CALN1: variants seen among roughly 807,000 people sequenced by gnomAD.
CALN1 encodes the protein calneuron 1.
CALN1 carries 17 observed loss-of-function variants against 30.6 expected under a neutral mutation model. That is an observed-to-expected ratio of 0.56 (90% confidence interval 0.38 to 0.83). The LOEUF is 0.83. Among genes scored for constraint, CALN1 ranks in the 40% least tolerant of loss-of-function variants. The pLI, the probability that CALN1 is intolerant of heterozygous loss-of-function variation, is 0.00. For synonymous variants in CALN1, 156 were observed against 131.4 expected (o/e 1.19, Z -1.28); for missense variants, 291 against 354.9 (o/e 0.82, Z 1.45).
intron 5 of CALN1, among the ~76,000 whole-genome samples, chr7:72,015,740 G>T (rs1446619341): frequency 6.6e-6 from 1 of 152,094 alleles, no homozygotes; most frequent in African/African-American, 2.4e-5. Context: ...CACTTGCTGG[G>T]CCAGAATTCC....
At chr7:72,209,177 C>A (rs1585169926) in intron 3 of CALN1, among the ~76,000 whole-genome samples, 1 of 144,808 alleles carries the variant, frequency 6.9e-6, no homozygotes, top group South Asian at 2.3e-4. Flanking sequence ...TTCTTCCTTC[C>A]CTCCTTCCCT....
intron 5 of CALN1, among the ~76,000 whole-genome samples, chr7:71,846,204 G>T (rs1056611702): frequency 6.6e-5 from 10 of 152,120 alleles, no homozygotes; most frequent in African/African-American, 2.4e-4. Context: ...CCTATGAAGC[G>T]AAACACACTT....
At chr7:72,222,435 A>G (rs1477830194) in intron 3 of CALN1, among the ~76,000 whole-genome samples, 5 of 152,100 alleles carry the variant, frequency 3.3e-5, no homozygotes, top group Non-Finnish European at 4.4e-5. Flanking sequence ...GATACCACAC[A>G]CTTTTAAACT....
intron 5 of CALN1, among the ~76,000 whole-genome samples, chr7:71,999,717 C>T (rs529044300): frequency 7.9e-5 from 12 of 151,992 alleles, no homozygotes; most frequent in South Asian, 2.1e-4. Context: ...GTTTTGCCGT[C>T]GGCCAGGCTG....
At chr7:72,235,240 C>T (rs1260487159) in intron 3 of CALN1, among the ~76,000 whole-genome samples, 19 of 151,840 alleles carry the variant, frequency 1.3e-4, no homozygotes, top group Admixed American at 1.2e-3. Flanking sequence ...CACCACCGCA[C>T]TCCAGCCTGG....
intron 3 of CALN1, among the ~76,000 whole-genome samples, chr7:72,113,213 G>GGGA (rs751288384): frequency 3.9e-5 from 6 of 152,244 alleles, no homozygotes; most frequent in South Asian, 2.1e-4. Context: ...TACTCTCTCT[G>GGGA]GGAGGAGGAG....
chr7:72,500,618 T>C, the CALN1 span, among the ~76,000 whole-genome samples: 2 of 152,042 alleles, frequency 1.3e-5, no homozygotes, highest in Non-Finnish European at 2.9e-5. Flanking sequence ...CCGCTGTTTA[T>C]ATAACCTGTC....
At chr7:72,123,242 G>C (rs1353315031) in intron 3 of CALN1, among the ~76,000 whole-genome samples, 1 of 152,162 alleles carries the variant, frequency 6.6e-6, no homozygotes, top group Non-Finnish European at 1.5e-5. Context: ...CTGCCTGCTA[G>C]AAGTGAGCAG....
At chr7:71,860,429 G>C (rs1791206660) in intron 5 of CALN1, among the ~76,000 whole-genome samples, 1 of 152,130 alleles carries the variant, frequency 6.6e-6, no homozygotes, top group African/African-American at 2.4e-5. Flanking sequence ...CTGACCTCGT[G>C]ATCCTCCCGC....
At chr7:72,169,068 A>T (rs1043150146) in intron 3 of CALN1, among the ~76,000 whole-genome samples, 3 of 151,888 alleles carry the variant, frequency 2.0e-5, no homozygotes, top group African/African-American at 7.3e-5. Flanking sequence ...GGCCTCCCAA[A>T]GTGCTGGGAC....
At chr7:71,808,419 CATA>C (rs909662148) in intron 6 of CALN1, among the ~76,000 whole-genome samples, 2 of 151,180 alleles carry the variant, frequency 1.3e-5, no homozygotes, top group Non-Finnish European at 2.9e-5. Flanking sequence ...TTTTAATAAA[CATA>C]ATACTTGCAG....
At chr7:72,033,470 G>A (rs1489831173) in intron 4 of CALN1, among the ~76,000 whole-genome samples, 1 of 151,684 alleles carries the variant, frequency 6.6e-6, no homozygotes, top group Non-Finnish European at 1.5e-5. Flanking sequence ...GCAGAATGAA[G>A]GGAGTGCTAT....
chr7:71,901,420 T>C (rs1793840803), intron 5 of CALN1, among the ~76,000 whole-genome samples: 1 of 97,598 alleles, frequency 1.0e-5, no homozygotes, highest in Non-Finnish European at 2.1e-5. Flanking sequence ...ATAATTCATA[T>C]GGAACCAAAA....
the CALN1 span, among the ~76,000 whole-genome samples, chr7:72,489,446 A>G: frequency 1.3e-5 from 2 of 152,130 alleles, no homozygotes; most frequent in Admixed American, 6.5e-5. Flanking sequence ...CTGATGTCCT[A>G]TGAAGTGTGA....
intron 2 of CALN1, among the ~76,000 whole-genome samples, chr7:72,287,257 G>C (rs529855870): frequency 6.6e-6 from 1 of 151,908 alleles, no homozygotes; most frequent in African/African-American, 2.4e-5. Flanking sequence ...TCCTGTCCAT[G>C]CTTTTAAATT....
At chr7:72,363,231 A>C (rs1803669925) in intron 2 of CALN1, among the ~76,000 whole-genome samples, 1 of 145,210 alleles carries the variant, frequency 6.9e-6, no homozygotes, top group African/African-American at 2.4e-5. Context: ...TGAGATTATG[A>C]CACATTATTT....
chr7:72,008,840 G>C (rs1799920812), intron 5 of CALN1, among the ~76,000 whole-genome samples: 1 of 151,892 alleles, frequency 6.6e-6, no homozygotes, highest in Non-Finnish European at 1.5e-5. Flanking sequence ...ATTTTTAGTG[G>C]AGACGGGGTT....
chr7:72,104,816 T>C (rs1409887835), intron 4 of CALN1, among the ~76,000 whole-genome samples: 2 of 151,924 alleles, frequency 1.3e-5, no homozygotes, highest in African/African-American at 4.8e-5. Flanking sequence ...AATTAGTCAG[T>C]TGTGGTGGTG....
chr7:72,378,332 T>C (rs1408671099), intron 2 of CALN1, among the ~76,000 whole-genome samples: 1 of 152,218 alleles, frequency 6.6e-6, no homozygotes, highest in Non-Finnish European at 1.5e-5. Flanking sequence ...AAAATTAACA[T>C]TCCACAAAGC....
Sources: gnomAD v4.1 joint callset for allele counts (sites outside exome capture counted in the v4.1 genomes callset) on GRCh38, gnomAD v4.1.1 for gene constraint, MANE v1.5 for transcripts, NCBI Gene and HGNC (gene_info 2026-07-23, HGNC 2026-07-21) for gene names.